SLIT2: variants seen among roughly 807,000 people sequenced by gnomAD.
The protein encoded by SLIT2 is slit homolog 2 protein.
SLIT2 carries 41 observed loss-of-function variants against 185.7 expected under a neutral mutation model. The ratio of observed to expected loss-of-function variants is 0.22; its 90% CI spans 0.17 to 0.29. SLIT2 has a LOEUF of 0.29. Ranked by LOEUF, SLIT2 falls within the 10% of genes least tolerant of loss-of-function variation. The pLI is 1.00. For synonymous variants in SLIT2, 693 were observed against 680.2 expected (o/e 1.02, Z -0.29); for missense variants, 1,571 against 1,909.0 (o/e 0.82, Z 3.30).
rs1316713416 is a variant in SLIT2, at chr4:20,549,060, T to C, written c.2421T>C (p.Ile807=). The part of the protein sequence containing the change: ...FSNMTQLLTL[I]LSYNRLRCIP... The stretch of plus-strand genomic sequence containing the variant: ...ATTGACATATGTATGCTTTCAGAAT[T>C]CTTAGTTACAACCGTCTGAGATGTA... The change falls in exon 24 of 37, where the codon ATT becomes ATC. Residue 807 remains isoleucine (I), a synonymous_variant. Coordinates refer to ENST00000504154, the MANE Select transcript of SLIT2 (RefSeq NM_004787.4). The C allele has an allele frequency of 1.3e-6, 2 of 1,586,648 alleles. No individual in the cohort carries two copies. The highest frequency in any genetic ancestry group is 2.7e-5 in the African/African-American group (2 of 74,450).
chr4:20,567,643 G>A (rs766103277), intron 28 of SLIT2, 28 bp downstream of exon 28: 3 of 1,502,872 alleles, frequency 2.0e-6, no homozygotes, highest in Non-Finnish European at 2.8e-6. Context: ...GACCATCTGT[G>A]TCTGAAGTAT....
chr4:20,542,307 A>G (rs1350644042), intron 20 of SLIT2, among the ~76,000 whole-genome samples, 187 bp from the exon 21 acceptor site: 2 of 152,170 alleles, frequency 1.3e-5, no homozygotes, highest in Non-Finnish European at 2.9e-5. Flanking sequence ...ATTCTTCCCT[A>G]GGCAGTCTGA....
intron 5 of SLIT2, among the ~76,000 whole-genome samples, chr4:20,479,195 A>G (rs1716440368): frequency 1.3e-5 from 2 of 152,176 alleles, no homozygotes; most frequent in African/African-American, 4.8e-5. Flanking sequence ...TGTGTCCCCT[A>G]GAGAACTTCT....
intron 6 of SLIT2, among the ~76,000 whole-genome samples, chr4:20,481,831 C>T (rs1716733017): frequency 6.6e-6 from 1 of 151,864 alleles, no homozygotes; most frequent in Non-Finnish European, 1.5e-5. Flanking sequence ...GAATTTCCAG[C>T]TGTGTAATGT....
intron 33 of SLIT2, among the ~76,000 whole-genome samples, chr4:20,609,223 T>A (rs1383587286): frequency 2.0e-5 from 3 of 152,194 alleles, no homozygotes; most frequent in African/African-American, 7.2e-5. Context: ...TTTGTCTTTA[T>A]TCACTTCATC....
At chr4:20,278,160 T>C (rs996829283) in intron 4 of SLIT2, among the ~76,000 whole-genome samples, 15 of 152,146 alleles carry the variant, frequency 9.9e-5, no homozygotes, top group African/African-American at 3.6e-4. Flanking sequence ...AATGAACATG[T>C]CATTATGATG....
intron 1 of SLIT2, among the ~76,000 whole-genome samples, chr4:20,255,538 G>A (rs1269960109): frequency 6.6e-6 from 1 of 152,162 alleles, no homozygotes; most frequent in Non-Finnish European, 1.5e-5. Context: ...TTAGCATGGA[G>A]AAGTGGGTTG....
chr4:20,290,323 A>G (rs1715671866), intron 4 of SLIT2, among the ~76,000 whole-genome samples: 2 of 152,230 alleles, frequency 1.3e-5, no homozygotes, highest in Non-Finnish European at 2.9e-5. Flanking sequence ...ATTTGAAAAA[A>G]TGAAAAAGAA....
In SLIT2 at chr4:20,568,938, G is replaced by T; in HGVS notation, c.3022G>T (p.Glu1008Ter). ...NVDDCEDNDC[E>*]NNSTCVDGIN... ...TGATGATTGTGAAGATAATGACTGT[G>T]AAAATAATTCTACATGTGTCGATGG... The change falls in exon 29 of 37, where the codon GAA (glutamate) becomes TAA (stop). Residue 1008 changes from glutamate (E) to a stop codon, truncating the protein, a stop_gained. Coordinates refer to ENST00000504154, the MANE Select transcript of SLIT2 (RefSeq NM_004787.4). LOFTEE classifies it high-confidence loss of function. The T allele has an allele frequency of 6.2e-7, 1 of 1,612,484 alleles. No individual in the cohort carries two copies. Among genetic ancestry groups the T allele is most frequent in the Non-Finnish European group, 8.5e-7 (1 of 1,178,792 alleles).
chr4:20,570,136 T>G (rs1354935797), intron 29 of SLIT2, among the ~76,000 whole-genome samples: 1 of 151,956 alleles, frequency 6.6e-6, no homozygotes, highest in Non-Finnish European at 1.5e-5. Flanking sequence ...AGGGTCTTAT[T>G]TTTAATTTTT....
chr4:20,343,816 A>AG (rs1721161819), intron 4 of SLIT2, among the ~76,000 whole-genome samples: 1 of 151,318 alleles, frequency 6.6e-6, no homozygotes, highest in Non-Finnish European at 1.5e-5. Context: ...AAAAAAAAAA[A>AG]AAAAAATTGA....
chr4:20,553,355 C>T (rs1723947399), intron 25 of SLIT2, among the ~76,000 whole-genome samples: 1 of 152,134 alleles, frequency 6.6e-6, no homozygotes, highest in Non-Finnish European at 1.5e-5. Context: ...GAGTATATCC[C>T]AATGCTAATG....
chr4:20,417,505 T>C (rs981938847), intron 4 of SLIT2, among the ~76,000 whole-genome samples: 4 of 148,686 alleles, frequency 2.7e-5, no homozygotes, highest in Non-Finnish European at 5.9e-5. Context: ...CATATACATA[T>C]ATAGATATGT....
At chr4:20,323,550 G>A (rs1280705261) in intron 4 of SLIT2, among the ~76,000 whole-genome samples, 1 of 151,662 alleles carries the variant, frequency 6.6e-6, no homozygotes, top group African/African-American at 2.4e-5. Context: ...TTTCCCCTGA[G>A]ATTTTCCACA....
At chr4:20,607,415 T>G (rs1481476415) in intron 33 of SLIT2, among the ~76,000 whole-genome samples, 1 of 152,202 alleles carries the variant, frequency 6.6e-6, no homozygotes, top group Non-Finnish European at 1.5e-5. Flanking sequence ...TTATTCCTAA[T>G]ACATCTCTCT....
rs1164412627 is a variant in SLIT2 at position 20,252,961 on chromosome 4, T to C, written c.-855T>C. 6.6e-6 allele frequency among the ~76,000 whole-genome samples: 1 copy of C among 152,198 alleles called. No individual in the cohort carries two copies. The highest frequency in any genetic ancestry group is 1.5e-5 in the Non-Finnish European group (1 of 68,028). On this transcript the variant is annotated 5_prime_UTR_variant, in exon 1 of 37. Coordinates refer to ENST00000504154, the MANE Select transcript of SLIT2 (RefSeq NM_004787.4). ...TCGCCGGAGTGCTGACTAGTGGATATTTCTGCCCGGCTGCGGCGGCCCGAC... is the reference window on the plus strand; with the variant it reads ...TCGCCGGAGTGCTGACTAGTGGATACTTCTGCCCGGCTGCGGCGGCCCGAC...
intron 22 of SLIT2, 143 bp downstream of exon 22, chr4:20,546,242 G>A (rs977241087): frequency 5.9e-6 from 3 of 509,456 alleles, no homozygotes; most frequent in Non-Finnish European, 1.0e-5. Context: ...TGCGGTTCTG[G>A]ACCCCTGGCT....
At position 20,595,694 on chromosome 4, in the gene SLIT2, C is replaced by T; in HGVS notation, c.3183-3C>T. ...TGAAACCATTACCTGCTTGTTCCAA[C>T]AGATGTGACTGCACACCAGGGTACG... is the stretch of plus-strand genomic sequence containing the variant. On this transcript the variant is annotated splice_region_variant and splice_polypyrimidine_tract_variant and intron_variant, in intron 30 of 36. Transcript: ENST00000504154. The T allele has an allele frequency of 3.1e-6, 5 of 1,613,754 alleles. No individual in the cohort carries two copies. The highest frequency in any genetic ancestry group is 4.2e-6 in the Non-Finnish European group (5 of 1,179,768).
intron 34 of SLIT2, chr4:20,614,872 T>G (rs907183917): frequency 2.0e-5 from 3 of 152,222 alleles, no homozygotes; most frequent in African/African-American, 7.2e-5. Context: ...CCTGATTTTA[T>G]GATAGCCTAT....
Sources: gnomAD v4.1 joint callset for allele counts (sites outside exome capture counted in the v4.1 genomes callset) on GRCh38, gnomAD v4.1.1 for gene constraint, MANE v1.5 for transcripts, NCBI Gene and HGNC (gene_info 2026-07-23, HGNC 2026-07-21) for gene names.